The following ANKRD11 variants were observed in gnomAD, a reference collection of about 807,000 sequenced individuals.
ANKRD11 encodes ankyrin repeat domain-containing protein 11.
In ANKRD11, 17 loss-of-function variants were observed where a neutral mutation model predicts 195.7. That is an observed-to-expected ratio of 0.09 (90% CI 0.06 to 0.13). The LOEUF (loss-of-function observed/expected upper bound fraction) is 0.13, where lower values mean the gene tolerates loss of function less well. ANKRD11 is among the 10% of genes least tolerant of loss of function. The pLI is 1.00. For synonymous variants in ANKRD11, 1,953 were observed against 1,528.1 expected (o/e 1.28, Z -6.49); for missense variants, 3,735 against 3,566.1 (o/e 1.05, Z -1.21).
At chr16:89,362,412 G>GA (rs975538725) in intron 2 of ANKRD11, among the ~76,000 whole-genome samples, 1 of 152,170 alleles carries the variant, frequency 6.6e-6, no homozygotes, top group African/African-American at 2.4e-5. Context: ...GTTCCATCTA[G>GA]ACCCAAACCT....
intron 12 of ANKRD11, 134 bp from the exon 13 acceptor site, chr16:89,268,797 T>A: frequency 9.9e-7 from 1 of 1,014,212 alleles, no homozygotes; most frequent in Non-Finnish European, 1.5e-6. Context: ...CAGGCCCAGC[T>A]GTACCCGCTC....
chr16:89,278,893 G>T, intron 9 of ANKRD11, 179 bp downstream of exon 9: 1 of 1,050,832 alleles, frequency 9.5e-7, no homozygotes. Flanking sequence ...AGAACAGCTG[G>T]GCAGCTTCCG....
intron 1 of ANKRD11, among the ~76,000 whole-genome samples, chr16:89,477,215 C>CA (rs1321362271): frequency 3.4e-5 from 5 of 146,036 alleles, no homozygotes; most frequent in African/African-American, 7.6e-5. Flanking sequence ...TTTTTGGAGA[C>CA]AGAGTCTCAC....
intron 2 of ANKRD11, chr16:89,324,284 CG>C (rs1597643264): frequency 3.2e-6 from 4 of 1,253,694 alleles, no homozygotes; most frequent in Non-Finnish European, 3.1e-6. Flanking sequence ...CCCCGTGCTC[CG>C]GAACACGGAC....
intron 1 of ANKRD11, among the ~76,000 whole-genome samples, chr16:89,455,726 T>C (rs377757276): frequency 6.6e-6 from 1 of 152,132 alleles, no homozygotes; most frequent in African/African-American, 2.4e-5. Flanking sequence ...TACAAAAGAG[T>C]GCCGCAGACT....
rs137940169 is a variant in ANKRD11 at position 89,287,050 on chromosome 16, A to G, written c.745-864T>C. 4.0e-4 allele frequency: 521 copies of G among 1,289,788 alleles called. 1 individual carries two copies. The African/African-American group carries it at 7.1e-3, about 17-fold the overall frequency. The allele number at this position is 1,289,788 out of a possible 1,614,324, so 79.9% of individuals were successfully genotyped here. A position where few individuals can be genotyped will look rare whatever the true frequency, so the allele number is the denominator to read the frequency against. ...GACTACACAAAACCTCAGGCTTACA[A>G]TTGTGGAGGTCAGAGGTCAAGGTGC... On this transcript the variant is annotated intron_variant, in intron 7 of 12. Coordinates refer to ENST00000301030, the MANE Select transcript of ANKRD11 (RefSeq NM_013275.6).
At chr16:89,397,536 G>A (rs1364262344) in intron 2 of ANKRD11, among the ~76,000 whole-genome samples, 4 of 152,226 alleles carry the variant, frequency 2.6e-5, no homozygotes, top group African/African-American at 9.6e-5. Flanking sequence ...CGTCCCTGAC[G>A]GGGAAGGGTT....
chr16:89,453,038 G>A (rs529392130), intron 1 of ANKRD11, among the ~76,000 whole-genome samples: 16 of 152,170 alleles, frequency 1.1e-4, no homozygotes, highest in Non-Finnish European at 2.2e-4. Flanking sequence ...CTCCTGACTC[G>A]GCCTCCCAAA....
chr16:89,396,427 G>C (rs2041433587), intron 2 of ANKRD11, among the ~76,000 whole-genome samples: 1 of 152,176 alleles, frequency 6.6e-6, no homozygotes, highest in Admixed American at 6.5e-5. Context: ...CCTGCTGCTG[G>C]AAACGCTCAC....
Position 89,381,117 on chromosome 16 carries a change from G to A in ANKRD11, c.-60+37167C>T, listed in dbSNP as rs557791931. Among the ~76,000 whole-genome samples, 230 of 152,264 alleles carry A rather than the reference G, an allele frequency of 1.5e-3. 3 individuals are homozygous for A. The highest frequency in any genetic ancestry group is 5.0e-3 in the African/African-American group (206 of 41,526). On this transcript the variant is annotated intron_variant, in intron 2 of 12. Coordinates refer to ENST00000301030, the MANE Select transcript of ANKRD11 (RefSeq NM_013275.6). ...GCAGGTGGATCATTTGAGATCAGGAGTTTGAGACCAGCCCGGCCAACATGG... is the reference window on the plus strand; with the variant it reads ...GCAGGTGGATCATTTGAGATCAGGAATTTGAGACCAGCCCGGCCAACATGG...
intron 2 of ANKRD11, among the ~76,000 whole-genome samples, chr16:89,341,613 C>T (rs1379830519): frequency 3.9e-5 from 6 of 152,232 alleles, no homozygotes; most frequent in Admixed American, 2.6e-4. Context: ...CTCTCCCACC[C>T]CATCCAGCCC....
At chr16:89,306,518 C>T (rs866611364) in intron 3 of ANKRD11, among the ~76,000 whole-genome samples, 80 of 51,468 alleles carry the variant, frequency 1.6e-3, no homozygotes, top group South Asian at 5.2e-3. Context: ...ACGCGCCACC[C>T]ACCTCCCACT....
At position 89,490,532 on chromosome 16, in the gene ANKRD11, T is replaced by C; in HGVS notation, c.-432A>G. 2.1e-6 allele frequency: 1 copy of C among 468,488 alleles called. No individual in the cohort carries two copies. The highest frequency in any genetic ancestry group is 3.4e-5 in the South Asian group (1 of 29,146). The allele number at this position is 468,488 out of a possible 1,614,324, so 29.0% of individuals were successfully genotyped here. A position where few individuals can be genotyped will look rare whatever the true frequency, so the allele number is the denominator to read the frequency against. ...GCGCCTCCCCGGCTGGGGCCCTCGG[T>C]CCATCGCGCACCGTCTCAGGGCGGC... On this transcript the variant is annotated 5_prime_UTR_variant, in exon 1 of 13. Transcript: ENST00000301030.
chr16:89,421,053 C>A (rs2042489497), intron 1 of ANKRD11, among the ~76,000 whole-genome samples: 1 of 152,172 alleles, frequency 6.6e-6, no homozygotes, highest in Non-Finnish European at 1.5e-5. Context: ...CATGAAGGGT[C>A]AGTGTGTGAT....
At chr16:89,471,502 T>C (rs919602653) in intron 1 of ANKRD11, among the ~76,000 whole-genome samples, 4 of 151,540 alleles carry the variant, frequency 2.6e-5, no homozygotes, top group Non-Finnish European at 4.4e-5. Context: ...ACTTAAGATA[T>C]GATTTCATGA....
At chr16:89,306,196 T>C (rs2036220797) in intron 3 of ANKRD11, among the ~76,000 whole-genome samples, 1 of 78,148 alleles carries the variant, frequency 1.3e-5, no homozygotes, top group African/African-American at 5.3e-5. Context: ...TACCTCCCAC[T>C]CCGCAGACAC....
chr16:89,467,992 C>T (rs1485660327), intron 1 of ANKRD11, among the ~76,000 whole-genome samples: 1 of 151,924 alleles, frequency 6.6e-6, no homozygotes, highest in East Asian at 1.9e-4. Context: ...TTAGTAGAGA[C>T]GGGGTTTGGT....
chr16:89,306,227 C>T (rs1597558734), intron 3 of ANKRD11, among the ~76,000 whole-genome samples: 2 of 89,328 alleles, frequency 2.2e-5, no homozygotes, highest in African/African-American at 4.8e-5. Context: ...CCTCCCACTC[C>T]GCAGACACGC....
At chr16:89,461,073 G>C (rs2056644411) in intron 1 of ANKRD11, among the ~76,000 whole-genome samples, 1 of 145,234 alleles carries the variant, frequency 6.9e-6, no homozygotes, top group Non-Finnish European at 1.5e-5. Context: ...ACCTTGAGTG[G>C]TGACATTCAT....
Sources: allele counts gnomAD v4.1 joint callset (sites outside exome capture counted in the v4.1 genomes callset), GRCh38; gene constraint gnomAD v4.1.1; transcripts MANE v1.5; gene names NCBI Gene and HGNC (gene_info 2026-07-23, HGNC 2026-07-21).